Variants in SPOCK3 observed in about 807,000 individuals in gnomAD.
The protein encoded by SPOCK3 is testican-3.
In SPOCK3, 30 loss-of-function variants were observed where a neutral mutation model predicts 56.6. The observed-to-expected ratio is 0.53, with a 90% confidence interval of 0.40 to 0.72. The LOEUF (loss-of-function observed/expected upper bound fraction) is 0.72. Among genes scored for constraint, SPOCK3 ranks in the 30% least tolerant of loss-of-function variants. The probability of loss-of-function intolerance (pLI) is 0.00; values close to 1 mark genes in which losing one functional copy is unlikely to be tolerated. For missense variants in SPOCK3, 527 were observed against 530.0 expected (o/e 0.99, Z 0.06); for synonymous variants, 196 against 183.3 (o/e 1.07, Z -0.56).
At chr4:166,742,546 G>A (rs1734994084) in intron 8 of SPOCK3, among the ~76,000 whole-genome samples, 1 of 152,026 alleles carries the variant, frequency 6.6e-6, no homozygotes, top group Non-Finnish European at 1.5e-5. Context: ...GTAACTTTGT[G>A]TTACAAAAGT....
At chr4:166,755,613 T>A (rs1299486801) in intron 7 of SPOCK3, among the ~76,000 whole-genome samples, 1 of 152,108 alleles carries the variant, frequency 6.6e-6, no homozygotes, top group East Asian at 1.9e-4. Context: ...TCATTACAAG[T>A]GAAAGTAAAC....
At chr4:166,937,648 A>G (rs1740572531) in intron 4 of SPOCK3, among the ~76,000 whole-genome samples, 1 of 149,858 alleles carries the variant, frequency 6.7e-6, no homozygotes, top group African/African-American at 2.4e-5. Context: ...AAAAAGTTGT[A>G]AGAAATACAG....
chr4:166,954,103 A>G (rs1412437655), intron 4 of SPOCK3, among the ~76,000 whole-genome samples: 1 of 152,146 alleles, frequency 6.6e-6, no homozygotes, highest in African/African-American at 2.4e-5. Flanking sequence ...AGAAATATCT[A>G]TTCAAGTATA....
intron 4 of SPOCK3, among the ~76,000 whole-genome samples, chr4:166,929,600 C>A (rs1029744001): frequency 3.3e-5 from 5 of 152,098 alleles, no homozygotes; most frequent in Non-Finnish European, 5.9e-5. Flanking sequence ...CAGAAATCTC[C>A]CATTTTTATG....
chr4:166,794,918 A>G (rs1180284844), intron 6 of SPOCK3, among the ~76,000 whole-genome samples: 1 of 152,046 alleles, frequency 6.6e-6, no homozygotes, highest in Non-Finnish European at 1.5e-5. Context: ...GCTGGAATTA[A>G]AGGCGTGAGT....
intron 4 of SPOCK3, chr4:166,918,572 C>T (rs1395726661): frequency 6.6e-6 from 1 of 152,022 alleles, no homozygotes; most frequent in Non-Finnish European, 1.5e-5. Flanking sequence ...TTTGACATAG[C>T]TTATTCTGCA....
chr4:167,004,481 G>A (rs890376920), intron 3 of SPOCK3, among the ~76,000 whole-genome samples: 11 of 152,108 alleles, frequency 7.2e-5, no homozygotes, highest in Non-Finnish European at 1.3e-4. Flanking sequence ...GAGTTTTATC[G>A]TTTTGGTAAT....
chr4:167,114,761 C>T (rs982845702), intron 2 of SPOCK3, among the ~76,000 whole-genome samples: 1 of 152,044 alleles, frequency 6.6e-6, no homozygotes, highest in Admixed American at 6.6e-5. Flanking sequence ...TACTAAAACT[C>T]AGCCTTGATA....
At chr4:166,946,318 C>A (rs1741743247) in intron 4 of SPOCK3, among the ~76,000 whole-genome samples, 1 of 152,146 alleles carries the variant, frequency 6.6e-6, no homozygotes, top group Non-Finnish European at 1.5e-5. Context: ...AAGCCAACGG[C>A]CTTACAAAAG....
chr4:166,892,120 G>A (rs1734851865), intron 5 of SPOCK3, among the ~76,000 whole-genome samples: 1 of 151,932 alleles, frequency 6.6e-6, no homozygotes, highest in Non-Finnish European at 1.5e-5. Flanking sequence ...TAGGCACTAG[G>A]AGAATAACTT....
intron 2 of SPOCK3, among the ~76,000 whole-genome samples, chr4:167,178,644 T>C (rs1731187817): frequency 6.6e-6 from 1 of 152,148 alleles, no homozygotes; most frequent in Non-Finnish European, 1.5e-5. Context: ...AGACTCATGA[T>C]GTGAGAAAAA....
intron 4 of SPOCK3, among the ~76,000 whole-genome samples, chr4:166,966,161 T>C (rs1744708507): frequency 6.6e-6 from 1 of 152,074 alleles, no homozygotes; most frequent in Non-Finnish European, 1.5e-5. Flanking sequence ...TCTTCATAGC[T>C]GGATAGCTCA....
intron 6 of SPOCK3, among the ~76,000 whole-genome samples, chr4:166,829,214 G>T (rs1745786037): frequency 6.6e-6 from 1 of 151,940 alleles, no homozygotes; most frequent in Admixed American, 6.6e-5. Flanking sequence ...GATTAACATG[G>T]CTCGACACAT....
chr4:166,800,853 C>T (rs1284222702), intron 6 of SPOCK3, among the ~76,000 whole-genome samples: 3 of 152,132 alleles, frequency 2.0e-5, no homozygotes, highest in Admixed American at 6.5e-5. Flanking sequence ...TAGGCCTTCA[C>T]ATTCACTCAC....
Position 166,968,178 on chromosome 4 carries a change from T to C in SPOCK3, c.350+32171A>G, listed in dbSNP as rs530737429. Among the ~76,000 whole-genome samples the C allele has an allele frequency of 5.9e-5, 9 of 152,294 alleles. No individual in the cohort carries two copies. The East Asian group carries it at 1.7e-3, about 29-fold the overall frequency. On this transcript the variant is annotated intron_variant, in intron 4 of 10. Coordinates refer to ENST00000357545, the MANE Select transcript of SPOCK3 (RefSeq NM_001040159.2). ...CATAAACAAAGAAATGACCTGAAAC[T>C]AGAGCTTATATTTTAAAAGGAAGCA...
intron 2 of SPOCK3, among the ~76,000 whole-genome samples, chr4:167,075,737 G>T (rs1422187139): frequency 2.0e-5 from 3 of 151,842 alleles, no homozygotes; most frequent in Non-Finnish European, 4.4e-5. Context: ...GACTTCCTGG[G>T]ATCAAGAAAT....
intron 6 of SPOCK3, among the ~76,000 whole-genome samples, chr4:166,879,473 C>A (rs1464984881): frequency 6.6e-6 from 1 of 152,002 alleles, no homozygotes; most frequent in Non-Finnish European, 1.5e-5. Flanking sequence ...GACTTTGAGA[C>A]CAACCTGGGA....
intron 6 of SPOCK3, among the ~76,000 whole-genome samples, chr4:166,799,222 A>G (rs1193668743): frequency 6.6e-6 from 1 of 152,158 alleles, no homozygotes; most frequent in Non-Finnish European, 1.5e-5. Flanking sequence ...TTGCTACGTG[A>G]GCAAAATGGA....
At chr4:166,839,917 C>T (rs1747056860) in intron 6 of SPOCK3, among the ~76,000 whole-genome samples, 2 of 152,322 alleles carry the variant, frequency 1.3e-5, no homozygotes, top group African/African-American at 4.8e-5. Flanking sequence ...GCTAATTTCA[C>T]TTCGGGGAAA....
Sources: gnomAD v4.1 joint callset for allele counts (sites outside exome capture counted in the v4.1 genomes callset) on GRCh38, gnomAD v4.1.1 for gene constraint, MANE v1.5 for transcripts, NCBI Gene and HGNC (gene_info 2026-07-23, HGNC 2026-07-21) for gene names.